UBR4: variants seen among roughly 807,000 people sequenced by gnomAD.
UBR4 encodes the protein E3 ubiquitin-protein ligase UBR4.
UBR4 carries 124 observed loss-of-function variants against 575.6 expected under a neutral mutation model. The observed-to-expected ratio is 0.22, with a 90% confidence interval of 0.19 to 0.25. UBR4 has a LOEUF of 0.25. Among genes scored for constraint, UBR4 ranks in the 10% least tolerant of loss-of-function variants. The pLI is 1.00. For synonymous variants in UBR4, 2,455 were observed against 2,473.7 expected, an observed-to-expected ratio of 0.99 and a Z score of 0.22; for missense variants, 4,818 against 6,478.8, an observed-to-expected ratio of 0.74 and a Z score of 8.80.
rs2089897338 is a variant in UBR4 at position 19,173,721 on chromosome 1, G to A, written c.2983-100C>T. ...CAAATACAACTTTTAAACCAGAACT[G>A]TATAGAGTCCTGATTTTAAATTGAG... On this transcript the variant is annotated intron_variant, in intron 22 of 105. Coordinates refer to ENST00000375254, the MANE Select transcript of UBR4 (RefSeq NM_020765.3). The A allele has an allele frequency of 9.7e-6, 11 of 1,132,884 alleles. 1 individual carries two copies. In the South Asian group the frequency reaches 1.7e-4, roughly 17 times the overall value. The allele number at this position is 1,132,884 out of a possible 1,614,324, so 70.2% of individuals were successfully genotyped here. A position where few individuals can be genotyped will look rare whatever the true frequency, so the allele number is the denominator to read the frequency against.
chr1:19,142,339 G>A (rs2084037886), intron 55 of UBR4, among the ~76,000 whole-genome samples: 5 of 152,224 alleles, frequency 3.3e-5, no homozygotes, highest in Admixed American at 3.3e-4. Context: ...GTGAAGGTGA[G>A]AAGGCCTTCT....
At chr1:19,127,808 C>G in intron 62 of UBR4, 69 bp from the exon 63 acceptor site, 1 of 1,295,552 alleles carries the variant, frequency 7.7e-7, no homozygotes, top group Non-Finnish European at 1.1e-6. Context: ...TGAACAAGAT[C>G]CCTTCAAGTC....
chr1:19,121,430 G>C lies in UBR4; in HGVS notation c.9900C>G (p.Val3300=). The C allele has an allele frequency of 6.2e-7, 1 of 1,613,100 alleles. No individual in the cohort carries two copies. Among genetic ancestry groups the C allele is most frequent in the Non-Finnish European group, 8.5e-7 (1 of 1,179,232 alleles). Residue 3300 remains valine (V), a synonymous_variant, in exon 68 of 106, where the codon GTC becomes GTG. Coordinates refer to ENST00000375254, the MANE Select transcript of UBR4 (RefSeq NM_020765.3). ...WQKFCIKDDS[V]LYFLLQVSFL... ...AACTGACTTGGAGGAGGAAGTACAG[G>C]ACGGCTGCAAGCAGAGGAGACAGAG...
chr1:19,187,032 A>T, intron 13 of UBR4, 132 bp downstream of exon 13: 1 of 744,824 alleles, frequency 1.3e-6, no homozygotes. Flanking sequence ...TTGGGTCTAT[A>T]AAGGTCATGG....
At chr1:19,104,060 C>G in intron 87 of UBR4, 24 bp downstream of exon 87, 1 of 1,612,610 alleles carries the variant, frequency 6.2e-7, no homozygotes, top group Non-Finnish European at 8.5e-7. Context: ...GTGCCTTAGG[C>G]TCCAGGCCAC....
intron 78 of UBR4, chr1:19,111,784 C>G (rs889511196): frequency 6.6e-6 from 1 of 151,846 alleles, no homozygotes; most frequent in African/African-American, 2.4e-5. Context: ...CTACACCTGT[C>G]TAATTTTGTA....
intron 97 of UBR4, among the ~76,000 whole-genome samples, chr1:19,090,190 C>T (rs531415055): frequency 6.6e-6 from 1 of 152,308 alleles, no homozygotes; most frequent in East Asian, 1.9e-4. Flanking sequence ...CACGTTCGGT[C>T]ACTCTCCAAA....
chr1:19,198,482 T>C (rs1024873876), intron 5 of UBR4, 59 bp downstream of exon 5: 28 of 1,570,994 alleles, frequency 1.8e-5, no homozygotes, highest in Non-Finnish European at 2.4e-5. Flanking sequence ...TTTTCTCCCC[T>C]AGTGTTATCA....
At chr1:19,165,525 T>A in intron 30 of UBR4, 131 bp downstream of exon 30, 1 of 1,094,352 alleles carries the variant, frequency 9.1e-7, no homozygotes, top group African/African-American at 1.6e-5. Context: ...AGCAATTAAC[T>A]CCCCAAAGTG....
Position 19,165,670 on chromosome 1 carries a change from C to A in UBR4, c.4197G>T (p.Glu1399Asp). 3 of 1,613,544 alleles carry A rather than the reference C, an allele frequency of 1.9e-6. No homozygotes were observed. The highest frequency in any genetic ancestry group is 1.7e-6 in the Non-Finnish European group (2 of 1,179,852). The change falls in exon 30 of 106, where the codon GAG (glutamate) becomes GAT (aspartate). Residue 1399 changes from glutamate (E) to aspartate (D), a missense_variant. By Grantham distance (45) the Glu-to-Asp change is conservative. Around this residue, in one of 29 missense-constraint regions of UBR4, gnomAD observed 1,172 missense variants for 1,259.7 expected, o/e 0.93. Transcript: ENST00000375254. The stretch of plus-strand genomic sequence containing the variant: ...ACACGGCTCACCTGTCAGAGAAAAA[C>A]TCCTCCATAGCTTTACGAGCCTGGC... ...ESSQARKAME[E>D]FFSDSGELVQ...
rs2092591590 is a variant in UBR4 at position 19,198,562 on chromosome 1, T to C, written c.627A>G (p.Gln209=). The C allele has an allele frequency of 6.2e-7, 1 of 1,613,964 alleles. No homozygotes were observed. Among genetic ancestry groups the C allele is most frequent in the African/African-American group, 1.3e-5 (1 of 74,884 alleles). The change falls in exon 5 of 106, where the codon CAA becomes CAG. Residue 209 remains glutamine (Q), a synonymous_variant. Coordinates refer to ENST00000375254, the MANE Select transcript of UBR4 (RefSeq NM_020765.3). ...TCACCAGAGTCTGTGTACTGATAGG[T>C]TGTGATGCTACAGTTCTAGGGTTAA... ...SVFNPRTVAS[Q]PISTQTLVEG...
Position 19,105,151 on chromosome 1 carries a change from G to T in UBR4, c.12542C>A (p.Ala4181Asp), listed in dbSNP as rs778319759. 3 of 1,613,964 alleles carry T rather than the reference G, an allele frequency of 1.9e-6. No individual in the cohort carries two copies. The highest frequency in any genetic ancestry group is 2.5e-6 in the Non-Finnish European group (3 of 1,180,004). Reference protein sequence around the residue: ...DELSIAGECAAEYLALYQKLI... With the variant: ...DELSIAGECADEYLALYQKLI... ...CTTCTGGTAGAGAGCCAGGTACTCAGCTGCACACTCCCCAGCTATGCTCAG... is the reference window on the plus strand; with the variant it reads ...CTTCTGGTAGAGAGCCAGGTACTCATCTGCACACTCCCCAGCTATGCTCAG... The change falls in exon 85 of 106, where the codon GCT (alanine) becomes GAT (aspartate). Residue 4181 changes from alanine (A) to aspartate (D), a missense_variant. By Grantham distance (126) the Ala-to-Asp change is moderately radical. Coordinates refer to ENST00000375254, the MANE Select transcript of UBR4 (RefSeq NM_020765.3).
In UBR4 at chr1:19,110,660, G is replaced by A; in HGVS notation, c.11892+82C>T. ...GCTCCTTCCCTCCTCAGTCACCGCA[G>A]GACCTGGGAGGGGAAGCTGAGAAAC... On this transcript the variant is annotated intron_variant, in intron 79 of 105. Coordinates refer to ENST00000375254, the MANE Select transcript of UBR4 (RefSeq NM_020765.3). The surrounding 1 kb of genome is among the most constrained non-coding windows in gnomAD (Gnocchi z 4.5). 6.7e-7 allele frequency: 1 copy of A among 1,501,078 alleles called. No individual in the cohort carries two copies. Among genetic ancestry groups the A allele is most frequent in the Non-Finnish European group, 9.3e-7 (1 of 1,078,780 alleles). The allele number at this position is 1,501,078 out of a possible 1,614,324, so 93.0% of individuals were successfully genotyped here.
chr1:19,116,461 C>T (rs928895452), intron 73 of UBR4, among the ~76,000 whole-genome samples: 1 of 152,208 alleles, frequency 6.6e-6, no homozygotes, highest in African/African-American at 2.4e-5. Flanking sequence ...GAAAACCTCC[C>T]TAGGCAGCCT....
rs2150866264 is a variant in UBR4, at chr1:19,170,862, A to G, written c.3543T>C (p.Phe1181=). Residue 1181 remains phenylalanine (F), a synonymous_variant, in exon 26 of 106, where the codon TTT becomes TTC. Transcript: ENST00000375254. ...SFTRAYLLQN[F]NEEGTTEKPS... ...GTTTCTCAGTTGTTCCCTCTTCATT[A>G]AAGTTTTGCAGCAAATAGGCTCTGG... The G allele has an allele frequency of 6.2e-7, 1 of 1,614,218 alleles. No individual in the cohort carries two copies. The highest frequency in any genetic ancestry group is 1.6e-4 in the Middle Eastern group (1 of 6,062).
chr1:19,137,002 T>C (rs1350388654), intron 60 of UBR4, among the ~76,000 whole-genome samples: 2 of 152,020 alleles, frequency 1.3e-5, no homozygotes, highest in Non-Finnish European at 2.9e-5. Flanking sequence ...AGAAATCATA[T>C]AGTTCAAAAT....
rs760199027 is a variant in UBR4 at position 19,155,434 on chromosome 1, C to T, written c.6300+7G>A. 61 of 1,612,768 alleles carry T rather than the reference C, an allele frequency of 3.8e-5. No individual in the cohort carries two copies. Among genetic ancestry groups the T allele is most frequent in the Admixed American group, 2.2e-4 (13 of 59,900 alleles). ...GAATAGAAGGAAATAGCAACATGTG[C>T]TCTAACCTTCAGGTCCTCATGATTG... On this transcript the variant is annotated splice_region_variant and intron_variant, in intron 43 of 105. Coordinates refer to ENST00000375254, the MANE Select transcript of UBR4 (RefSeq NM_020765.3).
intron 65 of UBR4, among the ~76,000 whole-genome samples, chr1:19,123,466 A>AC (rs1281838222): frequency 1.3e-5 from 2 of 151,606 alleles, no homozygotes; most frequent in Non-Finnish European, 2.9e-5. Flanking sequence ...AAAAAAAAAA[A>AC]AACAAAGGCT....
chr1:19,145,365 C>A (rs774046244), intron 53 of UBR4, among the ~76,000 whole-genome samples: 6 of 152,244 alleles, frequency 3.9e-5, no homozygotes, highest in Non-Finnish European at 7.3e-5. Context: ...AGACCCTTTA[C>A]TCTTCCATCT....
Sources: gnomAD v4.1 joint callset for allele counts (sites outside exome capture counted in the v4.1 genomes callset) on GRCh38, gnomAD v4.1.1 for gene constraint, gnomAD v4.1.1 regional missense constraint, Gnocchi (gnomAD v3.1) non-coding constraint, MANE v1.5 for transcripts, NCBI Gene and HGNC (gene_info 2026-07-23, HGNC 2026-07-21) for gene names.